The following MAF variants were observed in gnomAD, a reference collection of about 807,000 sequenced individuals.
MAF encodes MAF bZIP transcription factor.
In MAF, 10 loss-of-function variants were observed where a neutral mutation model predicts 22.0. The ratio of observed to expected loss-of-function variants is 0.45; its 90% CI spans 0.28 to 0.77. The LOEUF (loss-of-function observed/expected upper bound fraction) is 0.77, where lower values mean the gene tolerates loss of function less well. Ranked by LOEUF, MAF falls within the 30% of genes least tolerant of loss-of-function variation. MAF has a pLI of 0.12. For synonymous variants in MAF, 337 were observed against 255.8 expected (o/e 1.32, Z -3.03); for missense variants, 544 against 548.4 (o/e 0.99, Z 0.08).
the MAF span, among the ~76,000 whole-genome samples, chr16:79,526,979 G>A: frequency 6.6e-6 from 1 of 152,154 alleles, no homozygotes; most frequent in African/African-American, 2.4e-5. Flanking sequence ...TTTTAATAAT[G>A]GCTGTTTTTA....
chr16:79,430,573 A>G, the MAF span, among the ~76,000 whole-genome samples: 1 of 152,192 alleles, frequency 6.6e-6, no homozygotes, highest in Non-Finnish European at 1.5e-5. Context: ...GGCACACGGC[A>G]GGCACAGAGC....
chr16:79,331,607 C>T, the MAF span, among the ~76,000 whole-genome samples: 10 of 152,190 alleles, frequency 6.6e-5, no homozygotes, highest in African/African-American at 2.2e-4. Flanking sequence ...ACCTTCTACC[C>T]GCCTCCCTGT....
the MAF span, among the ~76,000 whole-genome samples, chr16:79,308,865 C>T: frequency 6.6e-6 from 1 of 152,156 alleles, no homozygotes; most frequent in Non-Finnish European, 1.5e-5. Context: ...TTTCCTAACG[C>T]CCAGAAATGG....
At chr16:79,417,113 C>T in the MAF span, among the ~76,000 whole-genome samples, 2 of 152,252 alleles carry the variant, frequency 1.3e-5, no homozygotes, top group South Asian at 2.1e-4. Flanking sequence ...GTTATTCAGC[C>T]AGGGGCACAC....
the MAF span, among the ~76,000 whole-genome samples, chr16:79,316,702 G>T: frequency 6.6e-6 from 1 of 152,128 alleles, no homozygotes; most frequent in Non-Finnish European, 1.5e-5. Flanking sequence ...AACATGAGGG[G>T]TCAGGGGTCT....
chr16:79,380,536 G>C, the MAF span, among the ~76,000 whole-genome samples: 1 of 152,170 alleles, frequency 6.6e-6, no homozygotes, highest in African/African-American at 2.4e-5. Context: ...TACCTGCCTG[G>C]TTAGACTATA....
chr16:79,370,908 G>C, the MAF span, among the ~76,000 whole-genome samples: 2 of 152,146 alleles, frequency 1.3e-5, no homozygotes, highest in African/African-American at 4.8e-5. Context: ...GTCTTCTGTG[G>C]TTTCTCATTT....
the MAF span, among the ~76,000 whole-genome samples, chr16:79,221,534 A>G: frequency 2.0e-5 from 3 of 152,218 alleles, no homozygotes; most frequent in Non-Finnish European, 2.9e-5. Context: ...AGTAAAAACC[A>G]CTGTTTAAAG....
rs562746694 is a variant in MAF at position 79,594,428 on chromosome 16, A to AT, written c.*31dup. ...ACTGCAAATAATAATAATAATGATG[A>AT]TTTTTTTTAATGTACAGCTCTCACA... On this transcript the variant is annotated 3_prime_UTR_variant, in exon 2 of 2. Transcript: ENST00000326043. 1,883 of 1,298,646 alleles carry AT rather than the reference A, an allele frequency of 1.4e-3. 18 individuals carry two copies. The highest frequency in any genetic ancestry group is 4.0e-4 in the Non-Finnish European group (384 of 948,368). 80.4% of individuals were successfully genotyped at this position (1,298,646 alleles called of 1,614,324 possible).
At chr16:79,524,170 T>G in the MAF span, among the ~76,000 whole-genome samples, 1 of 152,152 alleles carries the variant, frequency 6.6e-6, no homozygotes, top group Admixed American at 6.5e-5. Flanking sequence ...AACCCTCTGA[T>G]CCCTGTTCGG....
the MAF span, among the ~76,000 whole-genome samples, chr16:79,495,202 C>T: frequency 2.5e-4 from 38 of 152,274 alleles, no homozygotes; most frequent in African/African-American, 8.7e-4. Flanking sequence ...TGGCTCATGC[C>T]TGTAATCCCA....
the MAF span, among the ~76,000 whole-genome samples, chr16:79,521,806 G>A: frequency 1.3e-5 from 2 of 152,112 alleles, no homozygotes; most frequent in Admixed American, 6.5e-5. Flanking sequence ...TGCTTTCTAT[G>A]TGAAAAAGAC....
At chr16:79,536,688 AT>A in the MAF span, among the ~76,000 whole-genome samples, 11 of 152,278 alleles carry the variant, frequency 7.2e-5, no homozygotes, top group African/African-American at 2.4e-4. Flanking sequence ...AAAAAGGATC[AT>A]TGTGTCTGTA....
At chr16:79,468,717 A>C in the MAF span, among the ~76,000 whole-genome samples, 5 of 152,306 alleles carry the variant, frequency 3.3e-5, no homozygotes, top group African/African-American at 1.2e-4. Context: ...GGAAGTTTCA[A>C]ATCCTTTGGG....
At chr16:79,496,131 G>A in the MAF span, among the ~76,000 whole-genome samples, 3 of 152,068 alleles carry the variant, frequency 2.0e-5, no homozygotes, top group Non-Finnish European at 4.4e-5. Context: ...TAAAAATGTT[G>A]CTATTTTAAA....
chr16:79,452,123 C>T, the MAF span, among the ~76,000 whole-genome samples: 1 of 152,182 alleles, frequency 6.6e-6, no homozygotes, highest in Non-Finnish European at 1.5e-5. Flanking sequence ...AATCGAGAGA[C>T]TGCAATAGAG....
chr16:79,407,019 A>T, the MAF span, among the ~76,000 whole-genome samples: 1 of 152,176 alleles, frequency 6.6e-6, no homozygotes, highest in Non-Finnish European at 1.5e-5. Context: ...CCCAGCCGGG[A>T]AAGAAGCACC....
chr16:79,205,033 G>A, the MAF span: 1 of 152,142 alleles, frequency 6.6e-6, no homozygotes. Flanking sequence ...AGCCAGACTC[G>A]GATTTGGGGG....
chr16:79,402,180 A>T, the MAF span, among the ~76,000 whole-genome samples: 1 of 152,128 alleles, frequency 6.6e-6, no homozygotes, highest in South Asian at 2.1e-4. Context: ...TCAAATGGGG[A>T]GTGTGGCAGT....
Sources: allele counts gnomAD v4.1 joint callset (sites outside exome capture counted in the v4.1 genomes callset), GRCh38; gene constraint gnomAD v4.1.1; transcripts MANE v1.5; gene names NCBI Gene and HGNC (gene_info 2026-07-23, HGNC 2026-07-21).